FARP1: variants seen among roughly 807,000 people sequenced by gnomAD.
FARP1 encodes FERM, ARHGEF and pleckstrin domain-containing protein 1.
A neutral mutation model predicts 128.8 loss-of-function variants in FARP1; 52 were observed. The observed-to-expected ratio is 0.40, with a 90% CI of 0.32 to 0.51. FARP1 has a LOEUF of 0.51. FARP1 is among the 20% of genes least tolerant of loss of function. FARP1 has a pLI of 0.45. For missense variants in FARP1, 1,333 were observed against 1,367.9 expected, an observed-to-expected ratio of 0.97 and a Z score of 0.40; for synonymous variants, 580 against 551.8, an observed-to-expected ratio of 1.05 and a Z score of -0.72.
chr13:98,183,654 T>C (rs1486654727), intron 1 of FARP1, among the ~76,000 whole-genome samples: 1 of 152,222 alleles, frequency 6.6e-6, no homozygotes, highest in Non-Finnish European at 1.5e-5. Flanking sequence ...TGCCTTTGCC[T>C]GTGTTCTTAT....
rs372380939 is a variant in FARP1 at position 98,171,212 on chromosome 13, T to C, written c.-24+27720T>C. 2.6e-5 allele frequency among the ~76,000 whole-genome samples: 4 copies of C among 152,332 alleles called. 1 individual carries two copies. Among genetic ancestry groups the C allele is most frequent in the African/African-American group, 9.6e-5 (4 of 41,566 alleles). ...CCCTGAATTACACACACCCTCTTCG[T>C]CATTGTGCCTGGCGTATGTGAGTTT... is the stretch of plus-strand genomic sequence containing the variant. On this transcript the variant is annotated intron_variant, in intron 1 of 26. Coordinates refer to ENST00000319562, the MANE Select transcript of FARP1 (RefSeq NM_005766.4).
intron 1 of FARP1, among the ~76,000 whole-genome samples, chr13:98,160,925 C>T (rs977657374): frequency 1.6e-4 from 24 of 152,030 alleles, no homozygotes; most frequent in Admixed American, 7.9e-4. Flanking sequence ...GTGATCCACC[C>T]GCTTAACCTC....
intron 2 of FARP1, among the ~76,000 whole-genome samples, chr13:98,309,055 G>A (rs987084447): frequency 6.1e-5 from 9 of 148,156 alleles, no homozygotes; most frequent in African/African-American, 2.0e-4. Context: ...ACATGATCTT[G>A]TTGGCAATTT....
Position 98,176,391 on chromosome 13 carries a change from C to T in FARP1, c.-24+32899C>T. 1 of 1,614,252 alleles carries T rather than the reference C, an allele frequency of 6.2e-7. No homozygotes were observed. Among genetic ancestry groups the T allele is most frequent in the African/African-American group, 1.3e-5 (1 of 75,078 alleles). ...AGCAGCGCGGGGTGGCCCGGAAGTGCTCCAGCGCGCAGCTCTCGCAGAAAT... is the reference window on the plus strand; with the variant it reads ...AGCAGCGCGGGGTGGCCCGGAAGTGTTCCAGCGCGCAGCTCTCGCAGAAAT... On this transcript the variant is annotated intron_variant, in intron 1 of 26. Transcript: ENST00000319562. This position sits in a 1 kb window ranked among gnomAD's most constrained non-coding sequence, Gnocchi z 6.2.
At chr13:98,311,876 C>G (rs1046169323) in intron 2 of FARP1, among the ~76,000 whole-genome samples, 2 of 150,922 alleles carry the variant, frequency 1.3e-5, no homozygotes, top group African/African-American at 4.9e-5. Context: ...CGGAGTCTCG[C>G]TCTGTCACCC....
rs144387819 is a variant in FARP1 at position 98,316,512 on chromosome 13, C to T, written c.172-27250C>T. 2.3e-3 allele frequency among the ~76,000 whole-genome samples: 345 copies of T among 152,288 alleles called. 1 individual carries two copies. Among genetic ancestry groups the T allele is most frequent in the Admixed American group, 0.01 (156 of 15,308 alleles). Reference sequence around the variant, plus strand: ...TGGTGCACCCTGCAGACACAGGACCCGGAGCCCCCTCCCCATCCAGGTGAG... The same window carrying T: ...TGGTGCACCCTGCAGACACAGGACCTGGAGCCCCCTCCCCATCCAGGTGAG... On this transcript the variant is annotated intron_variant, in intron 2 of 26. Coordinates refer to ENST00000319562, the MANE Select transcript of FARP1 (RefSeq NM_005766.4).
In FARP1 at chr13:98,446,697, T is replaced by C; in HGVS notation, c.2936T>C (p.Leu979Pro). 6.2e-7 allele frequency: 1 copy of C among 1,613,970 alleles called. No individual in the cohort carries two copies. Among genetic ancestry groups the C allele is most frequent in the Non-Finnish European group, 8.5e-7 (1 of 1,179,940 alleles). Reference protein sequence around the residue: ...DNHPLASLPLLGYSLTIPSES... With the variant: ...DNHPLASLPLPGYSLTIPSES... ...CATCCCCTTGCCAGCCTGCCTCTGC[T>C]CGGCTACTCGCTCACCATCCCCTCT... Residue 979 changes from leucine to proline, a missense_variant, in exon 26 of 27, where the codon CTC (leucine) becomes CCC (proline). Leu to Pro is a moderately conservative substitution (Grantham distance 98). This residue lies in a region of FARP1 where 1,009 missense variants were observed against 969.8 expected (regional missense o/e 1.04). Transcript: ENST00000319562.
intron 1 of FARP1, among the ~76,000 whole-genome samples, chr13:98,199,633 T>G (rs1303197934): frequency 6.6e-6 from 1 of 152,210 alleles, no homozygotes; most frequent in African/African-American, 2.4e-5. Flanking sequence ...TACAAATATT[T>G]GGAGAGGCTG....
intron 2 of FARP1, among the ~76,000 whole-genome samples, chr13:98,327,848 T>A (rs1018687214): frequency 6.6e-6 from 1 of 152,166 alleles, no homozygotes; most frequent in Non-Finnish European, 1.5e-5. Flanking sequence ...TAGCTTCTGG[T>A]CAGAAGCCAG....
At chr13:98,265,403 T>G (rs1884064157) in intron 2 of FARP1, among the ~76,000 whole-genome samples, 3 of 130,748 alleles carry the variant, frequency 2.3e-5, no homozygotes, top group Non-Finnish European at 4.7e-5. Flanking sequence ...CACTGCAAGC[T>G]CCGCCTCCCG....
chr13:98,440,231 C>A lies in FARP1; in HGVS notation c.2625C>A (p.Asp875Glu). The change falls in exon 23 of 27, where the codon GAC becomes GAA. Residue 875 changes from aspartate to glutamate, a missense_variant. Transcript: ENST00000319562. ...APEFLASSPPDNKSPDEATAA... is the reference protein window; with the variant it reads ...APEFLASSPPENKSPDEATAA... ...AGTTCCTGGCCAGCAGCCCCCCTGA[C>A]AACAGTGAGTGTGGCCAGGGCAGCT... The A allele has an allele frequency of 1.2e-6, 2 of 1,611,930 alleles. No homozygotes were observed. The highest frequency in any genetic ancestry group is 1.7e-6 in the Non-Finnish European group (2 of 1,178,106).
chr13:98,437,144 G>T (rs1431065671), intron 19 of FARP1, among the ~76,000 whole-genome samples: 1 of 152,206 alleles, frequency 6.6e-6, no homozygotes, highest in East Asian at 1.9e-4. Flanking sequence ...TTTAATTGAA[G>T]AGATGAAAGG....
In FARP1 at chr13:98,378,947, AAT is replaced by A. The variant is rs71111950; in HGVS notation, c.496+1039_496+1040del. 4.2e-3 allele frequency among the ~76,000 whole-genome samples: 479 copies of A among 114,772 alleles called. 99 individuals carry two copies. Among genetic ancestry groups the A allele is most frequent in the African/African-American group, 8.5e-3 (236 of 27,762 alleles). The allele number at this position is 114,772 out of a possible 152,430, so 75.3% of individuals were successfully genotyped here. A position where few individuals can be genotyped will look rare whatever the true frequency, so the allele number is the denominator to read the frequency against. ...TATATACAATATATAATCTATATAT[AAT>A]ATATATATAATATATACAATATATA... On this transcript the variant is annotated intron_variant, in intron 6 of 26. Transcript: ENST00000319562.
chr13:98,395,216 AC>A lies in FARP1; in HGVS notation c.1165-7del. 1 of 1,581,576 alleles carries A rather than the reference AC, an allele frequency of 6.3e-7. No individual in the cohort carries two copies. Among genetic ancestry groups the A allele is most frequent in the Non-Finnish European group, 8.6e-7 (1 of 1,156,936 alleles). On this transcript the variant is annotated splice_polypyrimidine_tract_variant and intron_variant, in intron 12 of 26. Coordinates refer to ENST00000319562, the MANE Select transcript of FARP1 (RefSeq NM_005766.4). ...TCTATCTCTCCGCACCTTTTTCCCC[AC>A]CCCACCCAGTCTCAGCAGAGCACCA...
chr13:98,254,905 A>G (rs1883510395), intron 2 of FARP1, among the ~76,000 whole-genome samples: 1 of 152,210 alleles, frequency 6.6e-6, no homozygotes, highest in East Asian at 1.9e-4. Context: ...GGCAAAGAAA[A>G]AGACATATTT....
chr13:98,392,323 C>CAAAA lies in FARP1; in HGVS notation c.1089-1296_1089-1293dup, dbSNP rs11289484. 9.8e-4 allele frequency among the ~76,000 whole-genome samples: 59 copies of CAAAA among 60,418 alleles called. 1 individual carries two copies. Among genetic ancestry groups the CAAAA allele is most frequent in the African/African-American group, 3.7e-3 (57 of 15,260 alleles). The allele number at this position is 60,418 out of a possible 152,430, so 39.6% of individuals were successfully genotyped here. A position where few individuals can be genotyped will look rare whatever the true frequency, so the allele number is the denominator to read the frequency against. The stretch of plus-strand genomic sequence containing the variant: ...AACATGACGAAAGCTCATCTCTACC[C>CAAAA]AAAAAAAAAAAAAAAAAAAAAAAAA... On this transcript the variant is annotated intron_variant, in intron 11 of 26. Transcript: ENST00000319562.
At chr13:98,409,186 G>A (rs1358376534) in intron 13 of FARP1, 152 bp from the exon 14 acceptor site, 1 of 613,202 alleles carries the variant, frequency 1.6e-6, no homozygotes, top group African/African-American at 1.8e-5. Flanking sequence ...CTTTGACTTA[G>A]GAAAAAAACT....
At chr13:98,161,008 A>G (rs1406977757) in intron 1 of FARP1, among the ~76,000 whole-genome samples, 1 of 151,928 alleles carries the variant, frequency 6.6e-6, no homozygotes, top group Non-Finnish European at 1.5e-5. Context: ...TTCTTGATGG[A>G]CTTTATTATT....
chr13:98,363,485 G>A (rs1386711495), intron 3 of FARP1, among the ~76,000 whole-genome samples: 1 of 152,132 alleles, frequency 6.6e-6, no homozygotes, highest in Non-Finnish European at 1.5e-5. Flanking sequence ...CCAGCTGGGG[G>A]TACCCACCTT....
Sources: allele counts gnomAD v4.1 joint callset (sites outside exome capture counted in the v4.1 genomes callset), GRCh38; gene constraint gnomAD v4.1.1; regional missense constraint gnomAD v4.1.1; non-coding constraint Gnocchi (gnomAD v3.1); transcripts MANE v1.5; gene names NCBI Gene and HGNC (gene_info 2026-07-23, HGNC 2026-07-21).